The following TLK1 variants were observed in gnomAD, a reference collection of about 807,000 sequenced individuals.
The protein encoded by TLK1 is serine/threonine-protein kinase tousled-like 1.
A neutral mutation model predicts 105.3 loss-of-function variants in TLK1; 24 were observed. That is an observed-to-expected ratio of 0.23 (90% CI 0.17 to 0.32). The LOEUF (loss-of-function observed/expected upper bound fraction) is 0.32, where lower values mean the gene tolerates loss of function less well. Ranked by LOEUF, TLK1 falls within the 10% of genes least tolerant of loss-of-function variation. The probability of loss-of-function intolerance (pLI) is 1.00; values close to 1 mark genes in which losing one functional copy is unlikely to be tolerated. For missense variants in TLK1, 558 were observed against 910.5 expected, an observed-to-expected ratio of 0.61 and a Z score of 4.98; for synonymous variants, 321 against 310.4, an observed-to-expected ratio of 1.03 and a Z score of -0.36.
At chr2:171,156,332 A>G (rs1448177884) in intron 1 of TLK1, among the ~76,000 whole-genome samples, 1 of 152,254 alleles carries the variant, frequency 6.6e-6, no homozygotes, top group Non-Finnish European at 1.5e-5. Context: ...GTTTTAGGAC[A>G]TATTTATTCT....
intron 1 of TLK1, among the ~76,000 whole-genome samples, chr2:171,178,689 G>T (rs1216326214): frequency 3.3e-5 from 5 of 152,188 alleles, no homozygotes; most frequent in African/African-American, 7.2e-5. Context: ...GGAAGCGTAA[G>T]ATTTTACTTG....
intron 3 of TLK1, chr2:171,066,896 C>T: frequency 6.4e-7 from 1 of 1,551,674 alleles, no homozygotes. Flanking sequence ...AGAACAACTG[C>T]TGAAGGGTGG....
chr2:171,115,852 T>G (rs925954115), intron 2 of TLK1, among the ~76,000 whole-genome samples: 3 of 152,178 alleles, frequency 2.0e-5, no homozygotes, highest in African/African-American at 7.2e-5. Flanking sequence ...ACCACCTCAT[T>G]ATGCTCAAAG....
At chr2:171,032,786 C>T (rs140765558) in intron 11 of TLK1, among the ~76,000 whole-genome samples, 96 of 152,256 alleles carry the variant, frequency 6.3e-4, no homozygotes, top group African/African-American at 2.2e-3. Flanking sequence ...ATCTCTTCAA[C>T]AAATGATGCT....
intron 3 of TLK1, among the ~76,000 whole-genome samples, chr2:171,072,150 G>A (rs1438317434): frequency 6.6e-6 from 1 of 152,128 alleles, no homozygotes; most frequent in African/African-American, 2.4e-5. Context: ...TTGGTATTTT[G>A]ACAGGGATTA....
intron 1 of TLK1, among the ~76,000 whole-genome samples, chr2:171,189,400 C>T (rs1422348010): frequency 6.6e-6 from 1 of 152,038 alleles, no homozygotes; most frequent in Non-Finnish European, 1.5e-5. Flanking sequence ...CTCCTGACCT[C>T]GTGATCTGCC....
At chr2:171,013,884 T>C (rs1685048780) in intron 13 of TLK1, among the ~76,000 whole-genome samples, 1 of 152,222 alleles carries the variant, frequency 6.6e-6, no homozygotes, top group African/African-American at 2.4e-5. Flanking sequence ...AGTAGTACCT[T>C]GCTTAATTTC....
chr2:171,022,736 T>C (rs965048980), intron 12 of TLK1: 1 of 176,156 alleles, frequency 5.7e-6, no homozygotes, highest in Non-Finnish European at 1.2e-5. Flanking sequence ...AAACCTAAAG[T>C]GACAAAAAAT....
chr2:171,052,039 G>A (rs986525073), intron 8 of TLK1, among the ~76,000 whole-genome samples: 2 of 152,138 alleles, frequency 1.3e-5, no homozygotes, highest in Non-Finnish European at 2.9e-5. Context: ...GGAGACCAAG[G>A]TGGGAGGATC....
intron 12 of TLK1, among the ~76,000 whole-genome samples, chr2:171,021,722 A>C (rs1047965338): frequency 6.6e-6 from 1 of 152,160 alleles, no homozygotes; most frequent in Non-Finnish European, 1.5e-5. Context: ...ATTAGTTACA[A>C]ACCCTGCTGA....
chr2:170,992,729 CATT>C lies in TLK1; in HGVS notation c.*1048_*1050del, dbSNP rs1408010902. ...TACAGTCAACTTGCACCTTCTAGGT[CATT>C]TAATTTTTTAGCAAAGAAGCAACAT... is the stretch of plus-strand genomic sequence containing the variant. On this transcript the variant is annotated 3_prime_UTR_variant, in exon 21 of 21. Transcript: ENST00000431350. The C allele has an allele frequency of 6.6e-6, 1 of 152,472 alleles. No individual in the cohort carries two copies. Among genetic ancestry groups the C allele is most frequent in the Non-Finnish European group, 1.5e-5 (1 of 67,992 alleles). The allele number at this position is 152,472 out of a possible 1,614,324, so 9.4% of individuals were successfully genotyped here. A position where few individuals can be genotyped will look rare whatever the true frequency, so the allele number is the denominator to read the frequency against.
At chr2:171,005,652 G>T (rs1197537223) in intron 18 of TLK1, among the ~76,000 whole-genome samples, 1 of 152,170 alleles carries the variant, frequency 6.6e-6, no homozygotes, top group Non-Finnish European at 1.5e-5. Context: ...CAGATCGCTT[G>T]AGCCTAGGAG....
chr2:171,089,935 G>A (rs1050254041), intron 2 of TLK1, among the ~76,000 whole-genome samples: 11 of 151,964 alleles, frequency 7.2e-5, no homozygotes, highest in African/African-American at 2.7e-4. Flanking sequence ...GACCATTCTT[G>A]GTCTTTACAT....
chr2:171,043,110 G>C (rs573392853), intron 11 of TLK1, among the ~76,000 whole-genome samples: 3 of 152,282 alleles, frequency 2.0e-5, no homozygotes, highest in African/African-American at 4.8e-5. Flanking sequence ...AACAGACACA[G>C]AGAATGAGGG....
intron 2 of TLK1, among the ~76,000 whole-genome samples, chr2:171,092,175 G>A (rs893865629): frequency 2.6e-5 from 4 of 151,942 alleles, no homozygotes; most frequent in African/African-American, 4.8e-5. Context: ...ACTGATATTC[G>A]ATCAATAACT....
chr2:171,174,175 G>A (rs1408051737), intron 1 of TLK1, among the ~76,000 whole-genome samples: 1 of 151,958 alleles, frequency 6.6e-6, no homozygotes, highest in Non-Finnish European at 1.5e-5. Flanking sequence ...TTTTATATCT[G>A]GTTACTCTCT....
At chr2:171,089,263 A>C (rs1175961787) in intron 2 of TLK1, among the ~76,000 whole-genome samples, 3 of 152,168 alleles carry the variant, frequency 2.0e-5, no homozygotes, top group Non-Finnish European at 4.4e-5. Flanking sequence ...TTCACACCTT[A>C]CTGTGTCATT....
At chr2:171,066,525 T>C (rs1190414491) in intron 3 of TLK1, among the ~76,000 whole-genome samples, 1 of 152,190 alleles carries the variant, frequency 6.6e-6, no homozygotes, top group African/African-American at 2.4e-5. Flanking sequence ...TTCACAACCG[T>C]ATCAGTACTC....
intron 20 of TLK1, among the ~76,000 whole-genome samples, chr2:170,995,144 A>G (rs561294498): frequency 6.6e-6 from 1 of 152,226 alleles, no homozygotes; most frequent in African/African-American, 2.4e-5. Context: ...ATCACTTTGA[A>G]AAATGATTAA....
Sources: allele counts gnomAD v4.1 joint callset (sites outside exome capture counted in the v4.1 genomes callset), GRCh38; gene constraint gnomAD v4.1.1; transcripts MANE v1.5; gene names NCBI Gene and HGNC (gene_info 2026-07-23, HGNC 2026-07-21).